The following EPHA7 variants were observed in gnomAD, a reference collection of about 807,000 sequenced individuals.
The protein encoded by EPHA7 is EPH receptor A7.
In EPHA7, 25 loss-of-function variants were observed where a neutral mutation model predicts 112.6. That is an observed-to-expected ratio of 0.22 (90% CI 0.16 to 0.31). The LOEUF is 0.31. EPHA7 is among the 10% of genes least tolerant of loss of function. EPHA7 has a pLI of 1.00. For missense variants in EPHA7, 962 were observed against 1,212.6 expected (o/e 0.79, Z 3.07); for synonymous variants, 437 against 406.5 (o/e 1.07, Z -0.90).
intron 3 of EPHA7, among the ~76,000 whole-genome samples, chr6:93,363,157 T>G (rs1776337951): frequency 6.6e-6 from 1 of 152,080 alleles, no homozygotes; most frequent in Non-Finnish European, 1.5e-5. Flanking sequence ...ATCCAAATAA[T>G]TAAATCATTA....
intron 6 of EPHA7, 32 bp from the exon 7 acceptor site, chr6:93,269,692 T>A (rs1192240080): frequency 8.9e-6 from 13 of 1,460,746 alleles, no homozygotes; most frequent in Non-Finnish European, 1.2e-5. Context: ...AATATTTAAT[T>A]GTGATTGCAA....
At chr6:93,287,602 G>C (rs1772134404) in intron 5 of EPHA7, among the ~76,000 whole-genome samples, 1 of 151,330 alleles carries the variant, frequency 6.6e-6, no homozygotes. Flanking sequence ...TCGTGTCATG[G>C]GGGTTTGTTG....
intron 5 of EPHA7, among the ~76,000 whole-genome samples, chr6:93,325,098 G>A (rs1379367967): frequency 1.3e-5 from 2 of 151,282 alleles, no homozygotes; most frequent in African/African-American, 4.8e-5. Context: ...CAGAGACTGA[G>A]TGAAGATTCT....
At chr6:93,355,056 AT>A (rs1244246030) in intron 5 of EPHA7, among the ~76,000 whole-genome samples, 2 of 152,132 alleles carry the variant, frequency 1.3e-5, no homozygotes, top group Admixed American at 1.3e-4. Context: ...ATGACAACAA[AT>A]TTATATATAA....
At chr6:93,243,602 T>A in intron 16 of EPHA7, 62 bp from the exon 17 acceptor site, 1 of 1,069,234 alleles carries the variant, frequency 9.4e-7, no homozygotes, top group Non-Finnish European at 1.5e-6. Context: ...GGCACTAAAC[T>A]GTCATCAACT....
intron 5 of EPHA7, among the ~76,000 whole-genome samples, chr6:93,326,886 A>G (rs1464599301): frequency 2.6e-5 from 4 of 151,574 alleles, no homozygotes; most frequent in Non-Finnish European, 4.4e-5. Flanking sequence ...AAAGCTGCAA[A>G]TTTTTATTGT....
intron 3 of EPHA7, among the ~76,000 whole-genome samples, chr6:93,373,535 A>T (rs193198130): frequency 6.6e-6 from 1 of 152,184 alleles, no homozygotes; most frequent in Non-Finnish European, 1.5e-5. Context: ...CTTGCCATTG[A>T]CTTCTACTCA....
Position 93,259,496 on chromosome 6 carries a change from A to C in EPHA7, c.1799-17T>G. On this transcript the variant is annotated splice_polypyrimidine_tract_variant and intron_variant, in intron 9 of 16. Transcript: ENST00000369303. Reference sequence around the variant, plus strand: ...GAAATTTAACTGTAATGATGTAAGAAAGCATGACTGTGATGAAGCAAAGCA... The same window carrying C: ...GAAATTTAACTGTAATGATGTAAGACAGCATGACTGTGATGAAGCAAAGCA... The C allele has an allele frequency of 6.2e-7, 1 of 1,610,016 alleles. No homozygotes were observed. Among genetic ancestry groups the C allele is most frequent in the Non-Finnish European group, 8.5e-7 (1 of 1,177,012 alleles).
intron 1 of EPHA7, among the ~76,000 whole-genome samples, chr6:93,416,377 T>C (rs1562172951): frequency 1.3e-5 from 2 of 152,226 alleles, no homozygotes; most frequent in African/African-American, 4.8e-5. Context: ...GGATTTTAAA[T>C]GCAGGTGACC....
chr6:93,380,963 G>A (rs1412784465), intron 3 of EPHA7, among the ~76,000 whole-genome samples: 1 of 152,044 alleles, frequency 6.6e-6, no homozygotes, highest in East Asian at 1.9e-4. Context: ...ACTATTAAAA[G>A]CTCTGCAGAC....
chr6:93,378,998 A>G (rs1384801278), intron 3 of EPHA7, among the ~76,000 whole-genome samples: 3 of 152,166 alleles, frequency 2.0e-5, no homozygotes, highest in Non-Finnish European at 4.4e-5. Flanking sequence ...CCACATAGAA[A>G]TGGAGATGAA....
At chr6:93,326,822 A>T (rs1413603026) in intron 5 of EPHA7, among the ~76,000 whole-genome samples, 3 of 151,582 alleles carry the variant, frequency 2.0e-5, no homozygotes, top group African/African-American at 7.3e-5. Flanking sequence ...GAATGGGCAG[A>T]AACAACAGAA....
intron 3 of EPHA7, among the ~76,000 whole-genome samples, chr6:93,395,986 A>C (rs1002395665): frequency 1.3e-5 from 2 of 151,912 alleles, no homozygotes; most frequent in African/African-American, 4.8e-5. Flanking sequence ...ATACAAGAGC[A>C]TGCCCTTTTT....
chr6:93,396,174 C>T (rs1314941849), intron 3 of EPHA7, among the ~76,000 whole-genome samples: 3 of 151,754 alleles, frequency 2.0e-5, no homozygotes, highest in Non-Finnish European at 4.4e-5. Context: ...TCGAAATTAA[C>T]CTTGGATAAT....
chr6:93,341,312 C>T (rs1304266942), intron 5 of EPHA7, among the ~76,000 whole-genome samples: 1 of 151,782 alleles, frequency 6.6e-6, no homozygotes, highest in Non-Finnish European at 1.5e-5. Flanking sequence ...AATCATAAAA[C>T]ATTTATGCAT....
At chr6:93,338,254 T>C (rs1161672180) in intron 5 of EPHA7, among the ~76,000 whole-genome samples, 6 of 152,150 alleles carry the variant, frequency 3.9e-5, no homozygotes, top group Non-Finnish European at 7.4e-5. Flanking sequence ...CTCTCTTTTC[T>C]TGTGTTTTAC....
At chr6:93,258,347 T>C in intron 10 of EPHA7, 63 bp from the exon 11 acceptor site, 1 of 1,391,374 alleles carries the variant, frequency 7.2e-7, no homozygotes, top group South Asian at 1.5e-5. Context: ...CTTTTAAGAG[T>C]AAATGCGTTG....
chr6:93,414,913 C>A (rs1303128343), intron 1 of EPHA7, 146 bp from the exon 2 acceptor site: 3 of 626,042 alleles, frequency 4.8e-6, no homozygotes, highest in Admixed American at 3.0e-5. Context: ...GAAATGAACA[C>A]CCTCCTGATA....
intron 5 of EPHA7, among the ~76,000 whole-genome samples, chr6:93,335,867 A>T (rs1774842988): frequency 6.6e-6 from 1 of 152,130 alleles, no homozygotes; most frequent in Admixed American, 6.6e-5. Flanking sequence ...AATCACACAT[A>T]GTGAAATTAT....
Sources: gnomAD v4.1 joint callset for allele counts (sites outside exome capture counted in the v4.1 genomes callset) on GRCh38, gnomAD v4.1.1 for gene constraint, MANE v1.5 for transcripts, NCBI Gene and HGNC (gene_info 2026-07-23, HGNC 2026-07-21) for gene names.